The following NTAQ1 variants were observed in gnomAD, a reference collection of about 807,000 sequenced individuals.
NTAQ1 encodes protein N-terminal glutamine amidohydrolase.
Under a neutral mutation model 28.2 loss-of-function variants are expected in NTAQ1, and 21 were observed. The ratio of observed to expected loss-of-function variants is 0.74; its 90% CI spans 0.53 to 1.07. The LOEUF (loss-of-function observed/expected upper bound fraction) is 1.07. Among genes scored for constraint, NTAQ1 ranks in the 50% least tolerant of loss-of-function variants. The pLI is 0.00. For synonymous variants in NTAQ1, 105 were observed against 90.0 expected (o/e 1.17, Z -0.94); for missense variants, 264 against 256.6 (o/e 1.03, Z -0.20).
Position 123,416,848 on chromosome 8 carries a change from C to T in NTAQ1, c.-2C>T. The T allele has an allele frequency of 6.5e-7, 1 of 1,527,952 alleles. No homozygotes were observed. Among genetic ancestry groups the T allele is most frequent in the Non-Finnish European group, 8.8e-7 (1 of 1,138,358 alleles). The allele number at this position is 1,527,952 out of a possible 1,614,324, so 94.6% of individuals were successfully genotyped here. ...CCCGGGCCCTGGCCCAGCTAGCCGG[C>T]CATGGAAGGTAATGGCCCCGCTGCT... On this transcript the variant is annotated 5_prime_UTR_variant, in exon 1 of 6. Transcript: ENST00000287387.
intron 3 of NTAQ1, 112 bp downstream of exon 3, chr8:123,430,145 A>AT: frequency 1.5e-6 from 1 of 650,610 alleles, no homozygotes; most frequent in Non-Finnish European, 2.6e-6. Context: ...GGCTATGGTA[A>AT]TTATTAATAA....
At chr8:123,472,868 GTGTACTCAT>G (rs959185596), downstream of NTAQ1, among the ~76,000 whole-genome samples, 6 of 152,168 alleles carry the variant, frequency 3.9e-5, no homozygotes, top group African/African-American at 1.4e-4. Context: ...GAGCTTTCAT[GTGTACTCAT>G]TAGCCAAAGT....
rs149796657 is a variant in NTAQ1, at chr8:123,437,237, A to G, written c.411A>G (p.Ser137=). The change falls in exon 5 of 6, where the codon TCA becomes TCG. Residue 137 remains serine (S), a synonymous_variant. Transcript: ENST00000287387. ...RRKFRVIRAD[S]YLKNFASDRS... is the part of the protein sequence containing the mutation. The stretch of plus-strand genomic sequence containing the variant: ...AATTTAGAGTGATCCGTGCAGATTC[A>G]TATTTGAAGAACTTTGCTTCTGACC... 2.0e-5 allele frequency: 33 copies of G among 1,614,128 alleles called. 1 individual carries two copies. The African/African-American group carries it at 3.6e-4, about 18-fold the overall frequency.
intron 2 of NTAQ1, among the ~76,000 whole-genome samples, chr8:123,428,247 G>A (rs1404029645): frequency 6.6e-6 from 1 of 152,164 alleles, no homozygotes; most frequent in Non-Finnish European, 1.5e-5. Context: ...CCAGGCTGGA[G>A]TGCAGTGGCG....
intron 6 of NTAQ1, among the ~76,000 whole-genome samples, chr8:123,454,675 A>G (rs977408469): frequency 1.2e-4 from 19 of 152,252 alleles, no homozygotes; most frequent in Non-Finnish European, 2.5e-4. Context: ...CAGTACTGTC[A>G]CTGGTTCAGA....
At chr8:123,438,040 A>G (rs1814832459) in intron 5 of NTAQ1, 2 of 623,390 alleles carry the variant, frequency 3.2e-6, no homozygotes, top group African/African-American at 1.8e-5. Context: ...TGATGTGTGA[A>G]ATGTCACTTT....
intron 3 of NTAQ1, among the ~76,000 whole-genome samples, chr8:123,434,246 G>A (rs548106243): frequency 6.6e-6 from 1 of 152,224 alleles, no homozygotes; most frequent in East Asian, 1.9e-4. Context: ...GGAACTTCTT[G>A]AGGGTGAGAA....
At chr8:123,440,146 CTTTTTTTTTTTTT>C (rs577877415) in intron 5 of NTAQ1, among the ~76,000 whole-genome samples, 2 of 56,542 alleles carry the variant, frequency 3.5e-5, no homozygotes, top group Non-Finnish European at 5.9e-5. Flanking sequence ...GGATTAACTC[CTTTTTTTTTTTTT>C]TTTTTTTTTT....
At chr8:123,438,325 C>T (rs1336884917) in intron 5 of NTAQ1, 1 of 604,322 alleles carries the variant, frequency 1.7e-6, no homozygotes, top group East Asian at 2.8e-5. Context: ...TCTGTGAGCT[C>T]TGCAGCATGT....
intron 1 of NTAQ1, among the ~76,000 whole-genome samples, chr8:123,423,435 TTTTCTTTC>T (rs150407805): frequency 0.34 from 42,741 of 126,512 alleles, 7,020 homozygotes; most frequent in South Asian, 0.47. Flanking sequence ...CTGTTTCTCT[TTTTCTTTC>T]TTTCTTTCTT....
At chr8:123,449,927 A>ATG (rs1341187426), downstream of NTAQ1, among the ~76,000 whole-genome samples, 515 of 44,842 alleles carry the variant, frequency 0.011, 21 homozygotes, top group African/African-American at 0.033. Context: ...GTGTATATAT[A>ATG]TATGTGTGTG....
chr8:123,420,343 A>G (rs1586924509), intron 1 of NTAQ1, among the ~76,000 whole-genome samples: 1 of 152,014 alleles, frequency 6.6e-6, no homozygotes, highest in Non-Finnish European at 1.5e-5. Flanking sequence ...GGTTGATTCT[A>G]CATCTTTGCT....
intron 6 of NTAQ1, among the ~76,000 whole-genome samples, chr8:123,455,421 ATTTTTTTT>A (rs925294146): frequency 1.7e-5 from 2 of 115,482 alleles, no homozygotes; most frequent in African/African-American, 3.4e-5. Flanking sequence ...ATGCCCAGAA[ATTTTTTTT>A]TTTTTTTTTT....
chr8:123,436,748 A>G, intron 4 of NTAQ1, 147 bp downstream of exon 4: 1 of 829,442 alleles, frequency 1.2e-6, no homozygotes, highest in South Asian at 2.1e-5. Flanking sequence ...TGTATTTGCA[A>G]CACAGGAGAT....
chr8:123,429,842 T>C, intron 2 of NTAQ1, 141 bp from the exon 3 acceptor site: 3 of 486,210 alleles, frequency 6.2e-6, no homozygotes, highest in Non-Finnish European at 1.0e-5. Context: ...ATTGTGCCAC[T>C]GCACTCCAGC....
intron 1 of NTAQ1, among the ~76,000 whole-genome samples, chr8:123,419,596 G>A (rs1192855554): frequency 6.6e-6 from 1 of 152,016 alleles, no homozygotes; most frequent in Non-Finnish European, 1.5e-5. Flanking sequence ...TCAAACAATT[G>A]TGGAGTGCCT....
chr8:123,459,228 A>G (rs1435713153), intron 6 of NTAQ1, among the ~76,000 whole-genome samples: 1 of 151,976 alleles, frequency 6.6e-6, no homozygotes, highest in African/African-American at 2.4e-5. Context: ...CCTAGGTGAC[A>G]GAGTGAGATC....
At chr8:123,454,752 A>C (rs1815599161) in intron 6 of NTAQ1, among the ~76,000 whole-genome samples, 1 of 152,198 alleles carries the variant, frequency 6.6e-6, no homozygotes, top group Non-Finnish European at 1.5e-5. Context: ...CGGATACTGT[A>C]GCTCAGTCTC....
In NTAQ1 at chr8:123,416,864, C is replaced by G. The variant is rs900357208; in HGVS notation, c.15C>G (p.Gly5=). ...GCTAGCCGGCCATGGAAGGTAATGG[C>G]CCCGCTGCTGTCCACTACCAGCCGG... MEGN[G]PAAVHYQPAS... is the part of the protein sequence containing the mutation. Residue 5 remains glycine (G), a synonymous_variant, in exon 1 of 6, where the codon GGC becomes GGG. Transcript: ENST00000287387. 17 of 1,530,588 alleles carry G rather than the reference C, an allele frequency of 1.1e-5. No homozygotes were observed. Among genetic ancestry groups the G allele is most frequent in the Non-Finnish European group, 1.5e-5 (17 of 1,139,748 alleles). The allele number at this position is 1,530,588 out of a possible 1,614,324, so 94.8% of individuals were successfully genotyped here.
Sources: allele counts gnomAD v4.1 joint callset (sites outside exome capture counted in the v4.1 genomes callset), GRCh38; gene constraint gnomAD v4.1.1; transcripts MANE v1.5; gene names NCBI Gene and HGNC (gene_info 2026-07-23, HGNC 2026-07-21).